The following DLG2 variants were observed in gnomAD, a reference collection of about 807,000 sequenced individuals.
DLG2 encodes disks large homolog 2.
DLG2 carries 45 observed loss-of-function variants against 132.5 expected under a neutral mutation model. That is an observed-to-expected ratio of 0.34 (90% CI 0.27 to 0.44). The LOEUF is 0.44. Ranked by LOEUF, DLG2 falls within the 20% of genes least tolerant of loss-of-function variation. The pLI is 1.00. For missense variants in DLG2, 1,045 were observed against 1,196.9 expected, an observed-to-expected ratio of 0.87 and a Z score of 1.87; for synonymous variants, 424 against 419.6, an observed-to-expected ratio of 1.01 and a Z score of -0.13.
intron 7 of DLG2, among the ~76,000 whole-genome samples, chr11:84,445,899 G>A (rs1328179232): frequency 1.6e-5 from 2 of 122,858 alleles, no homozygotes; most frequent in African/African-American, 6.5e-5. Context: ...CTGGGCGACA[G>A]AGTGAGACTT....
At chr11:84,183,581 T>C (rs375004144) in intron 8 of DLG2, among the ~76,000 whole-genome samples, 4 of 152,190 alleles carry the variant, frequency 2.6e-5, no homozygotes, top group Non-Finnish European at 5.9e-5. Context: ...AATGTTTCTT[T>C]TTTTTAAATT....
chr11:84,313,290 T>C (rs1413873027), intron 7 of DLG2, among the ~76,000 whole-genome samples: 1 of 151,718 alleles, frequency 6.6e-6, no homozygotes, highest in Non-Finnish European at 1.5e-5. Flanking sequence ...AATTTTTGTA[T>C]TTTTAGTAGG....
intron 21 of DLG2, among the ~76,000 whole-genome samples, chr11:83,530,352 C>G (rs1374857770): frequency 1.3e-5 from 2 of 151,596 alleles, no homozygotes; most frequent in East Asian, 3.9e-4. Context: ...CCTTATGATT[C>G]TAGAAATAGA....
At position 84,658,742 on chromosome 11, in the gene DLG2, C is replaced by T. The variant is rs147862741; in HGVS notation, c.358-124011G>A. Among the ~76,000 whole-genome samples, 729 of 152,244 alleles carry T rather than the reference C, an allele frequency of 4.8e-3. 5 individuals are homozygous for T. Among genetic ancestry groups the T allele is most frequent in the African/African-American group, 0.017 (712 of 41,554 alleles). Reference sequence around the variant, plus strand: ...ACACCCACTCCTCTTTTGCCTTCCACCACGATTAAAAGCTTTCTAAGCCCT... The same window carrying T: ...ACACCCACTCCTCTTTTGCCTTCCATCACGATTAAAAGCTTTCTAAGCCCT... On this transcript the variant is annotated intron_variant, in intron 6 of 27. Transcript: ENST00000376104.
intron 3 of DLG2, among the ~76,000 whole-genome samples, chr11:85,395,230 G>A (rs1459256459): frequency 1.3e-5 from 2 of 152,218 alleles, no homozygotes; most frequent in South Asian, 4.1e-4. Flanking sequence ...TATTTAGGAA[G>A]AGCCTCACAG....
chr11:85,513,233 T>C (rs2094112082), intron 3 of DLG2, among the ~76,000 whole-genome samples: 1 of 151,982 alleles, frequency 6.6e-6, no homozygotes, highest in South Asian at 2.1e-4. Flanking sequence ...GAAAAACTAC[T>C]TATTGGGTAA....
At chr11:85,615,690 A>G (rs2081285847) in intron 2 of DLG2, among the ~76,000 whole-genome samples, 1 of 152,246 alleles carries the variant, frequency 6.6e-6, no homozygotes, top group Admixed American at 6.5e-5. Context: ...TGTATATATT[A>G]GATGATTTAC....
At chr11:85,614,597 G>A (rs184261715) in intron 2 of DLG2, among the ~76,000 whole-genome samples, 9 of 152,302 alleles carry the variant, frequency 5.9e-5, no homozygotes, top group Admixed American at 2.0e-4. Flanking sequence ...CCAAAATGGC[G>A]CCATTGCACT....
intron 6 of DLG2, among the ~76,000 whole-genome samples, chr11:85,014,012 T>A (rs1466256020): frequency 6.6e-6 from 1 of 152,222 alleles, no homozygotes; most frequent in African/African-American, 2.4e-5. Context: ...AATTTGTATA[T>A]CAAAATCTGG....
chr11:84,855,404 C>A (rs577922156), intron 6 of DLG2, among the ~76,000 whole-genome samples: 5 of 152,056 alleles, frequency 3.3e-5, no homozygotes, highest in African/African-American at 1.2e-4. Flanking sequence ...AAATGAAATG[C>A]CTTGTTTCTT....
At chr11:84,564,102 A>G (rs904387194) in intron 6 of DLG2, among the ~76,000 whole-genome samples, 8 of 152,224 alleles carry the variant, frequency 5.3e-5, no homozygotes, top group South Asian at 2.1e-4. Flanking sequence ...TGCAACTTCA[A>G]TAAAGCACAG....
chr11:85,488,677 G>A (rs1359428818), intron 3 of DLG2, among the ~76,000 whole-genome samples: 1 of 152,108 alleles, frequency 6.6e-6, no homozygotes, highest in African/African-American at 2.4e-5. Flanking sequence ...AAAGCCTTAT[G>A]GGCCAGAAGA....
chr11:84,952,368 T>A (rs556093937), intron 6 of DLG2, among the ~76,000 whole-genome samples: 142 of 151,846 alleles, frequency 9.4e-4, no homozygotes, highest in Non-Finnish European at 1.7e-3. Flanking sequence ...ATACAAAAAA[T>A]TAGCCGGGCG....
chr11:83,672,294 C>T (rs889824833), intron 18 of DLG2, among the ~76,000 whole-genome samples: 1 of 152,082 alleles, frequency 6.6e-6, no homozygotes, highest in African/African-American at 2.4e-5. Context: ...AAGTGATTCT[C>T]CTGCCTCAGC....
chr11:84,539,324 T>A (rs958059569), intron 6 of DLG2, among the ~76,000 whole-genome samples: 1 of 152,210 alleles, frequency 6.6e-6, no homozygotes, highest in Non-Finnish European at 1.5e-5. Flanking sequence ...CAACTTTATC[T>A]TCAGGAAATA....
intron 7 of DLG2, among the ~76,000 whole-genome samples, chr11:84,356,655 A>T (rs1252177765): frequency 6.6e-6 from 1 of 152,078 alleles, no homozygotes; most frequent in African/African-American, 2.4e-5. Flanking sequence ...TCTGGAAAGT[A>T]GTAAATATTA....
intron 3 of DLG2, among the ~76,000 whole-genome samples, chr11:85,513,473 A>G (rs966766359): frequency 1.3e-5 from 2 of 152,082 alleles, no homozygotes; most frequent in Non-Finnish European, 2.9e-5. Context: ...GAGCAAACCA[A>G]TACTATGTCA....
At chr11:83,749,203 G>C (rs761768794) in intron 18 of DLG2, among the ~76,000 whole-genome samples, 3 of 152,212 alleles carry the variant, frequency 2.0e-5, no homozygotes, top group Non-Finnish European at 2.9e-5. Flanking sequence ...GAGAGCCATA[G>C]AATCAGGTCA....
chr11:84,193,238 C>T (rs1185210798), intron 8 of DLG2, among the ~76,000 whole-genome samples: 2 of 152,168 alleles, frequency 1.3e-5, no homozygotes, highest in East Asian at 3.8e-4. Flanking sequence ...AGGGAACATT[C>T]ACTACAATCA....
Sources: gnomAD v4.1 joint callset for allele counts (sites outside exome capture counted in the v4.1 genomes callset) on GRCh38, gnomAD v4.1.1 for gene constraint, MANE v1.5 for transcripts, NCBI Gene and HGNC (gene_info 2026-07-23, HGNC 2026-07-21) for gene names.